TMEFF1: variants seen among roughly 807,000 people sequenced by gnomAD.
The protein encoded by TMEFF1 is transmembrane protein with EGF like and two follistatin like domains 1, also known as tomoregulin-1.
A neutral mutation model predicts 47.5 loss-of-function variants in TMEFF1; 20 were observed. That is an observed-to-expected ratio of 0.42 (90% CI 0.30 to 0.61). TMEFF1 has a LOEUF of 0.61. TMEFF1 is among the 20% of genes least tolerant of loss of function. The pLI is 0.19. For synonymous variants in TMEFF1, 162 were observed against 166.3 expected, an observed-to-expected ratio of 0.97 and a Z score of 0.20; for missense variants, 411 against 471.1, an observed-to-expected ratio of 0.87 and a Z score of 1.18.
At chr9:100,542,840 A>G (rs931898824) in intron 5 of TMEFF1, among the ~76,000 whole-genome samples, 2 of 146,390 alleles carry the variant, frequency 1.4e-5, no homozygotes, top group Non-Finnish European at 3.0e-5. Flanking sequence ...TGCTGAGAAT[A>G]TTTTCCTGCC....
At chr9:100,543,456 T>C (rs1435009525) in intron 5 of TMEFF1, among the ~76,000 whole-genome samples, 2 of 152,172 alleles carry the variant, frequency 1.3e-5, no homozygotes, top group Non-Finnish European at 2.9e-5. Context: ...ATTACTTAGT[T>C]GTGGGTATGT....
At chr9:100,502,621 C>G (rs894621203) in intron 2 of TMEFF1, among the ~76,000 whole-genome samples, 2 of 152,192 alleles carry the variant, frequency 1.3e-5, no homozygotes, top group Non-Finnish European at 1.5e-5. Flanking sequence ...CTTGGCGTCC[C>G]AAAGTGCTGG....
intron 8 of TMEFF1, among the ~76,000 whole-genome samples, chr9:100,565,354 C>T (rs979438397): frequency 6.6e-6 from 1 of 152,048 alleles, no homozygotes; most frequent in South Asian, 2.1e-4. Flanking sequence ...CATTTGAATC[C>T]CACATTCCTC....
intron 5 of TMEFF1, among the ~76,000 whole-genome samples, chr9:100,527,719 C>T (rs36007324): frequency 0.025 from 3,815 of 152,088 alleles, 61 homozygotes; most frequent in Middle Eastern, 0.034. Context: ...CCGGGAAGCT[C>T]GAACTGGGTG....
intron 1 of TMEFF1, among the ~76,000 whole-genome samples, chr9:100,478,176 T>C (rs1564260564): frequency 1.3e-5 from 2 of 152,220 alleles, no homozygotes; most frequent in Admixed American, 1.3e-4. Context: ...TTTTATCAGA[T>C]TTCTGACCTC....
intron 6 of TMEFF1, among the ~76,000 whole-genome samples, chr9:100,548,267 C>T (rs530374745): frequency 2.0e-5 from 3 of 152,066 alleles, no homozygotes; most frequent in East Asian, 1.9e-4. Context: ...ATTTGTTAAA[C>T]CTCTTTTTAT....
At position 100,498,406 on chromosome 9, in the gene TMEFF1, C is replaced by G. The variant is rs16919151; in HGVS notation, c.197-359C>G. Among the ~76,000 whole-genome samples, 594 of 152,032 alleles carry G rather than the reference C, an allele frequency of 3.9e-3. 3 individuals are homozygous for G. The highest frequency in any genetic ancestry group is 0.014 in the African/African-American group (561 of 41,486). The stretch of plus-strand genomic sequence containing the variant: ...TCTCATTAGCCTTAAAAGTAACTTA[C>G]TAGAAAAATAACCTAAAATGTTAAA... On this transcript the variant is annotated intron_variant, in intron 1 of 9. Transcript: ENST00000374879.
At chr9:100,552,876 A>C (rs1246551660) in intron 7 of TMEFF1, among the ~76,000 whole-genome samples, 1 of 151,936 alleles carries the variant, frequency 6.6e-6, no homozygotes, top group Non-Finnish European at 1.5e-5. Flanking sequence ...AAAAAAAAAA[A>C]AGCATTCTAG....
At chr9:100,491,403 A>C (rs904722120) in intron 1 of TMEFF1, among the ~76,000 whole-genome samples, 1 of 152,258 alleles carries the variant, frequency 6.6e-6, no homozygotes, top group African/African-American at 2.4e-5. Flanking sequence ...TTAAAGGACA[A>C]GGTGAAAAGT....
In TMEFF1 at chr9:100,473,766, G is replaced by A; in HGVS notation, c.196+26G>A. ...GTAGGACCGGTCGGAGCCGGCCCTA[G>A]GTCTTCCCACCCCTCCGTTGCCGCC... On this transcript the variant is annotated intron_variant, in intron 1 of 9. Transcript: ENST00000374879. This position sits in a 1 kb window ranked among gnomAD's most constrained non-coding sequence, Gnocchi z 5.4. 11 of 1,465,320 alleles carry A rather than the reference G, an allele frequency of 7.5e-6. No homozygotes were observed. The highest frequency in any genetic ancestry group is 1.0e-5 in the Non-Finnish European group (11 of 1,099,846). 90.8% of individuals were successfully genotyped at this position (1,465,320 alleles called of 1,614,324 possible).
chr9:100,494,623 G>A (rs969781572), intron 1 of TMEFF1, among the ~76,000 whole-genome samples: 1 of 152,118 alleles, frequency 6.6e-6, no homozygotes, highest in Non-Finnish European at 1.5e-5. Context: ...AACAGAGGAA[G>A]AATGAAGGAG....
At chr9:100,543,420 T>C (rs887513328) in intron 5 of TMEFF1, among the ~76,000 whole-genome samples, 2 of 152,148 alleles carry the variant, frequency 1.3e-5, no homozygotes, top group Non-Finnish European at 2.9e-5. Context: ...CTTTTAAAAA[T>C]CGATTTGTTC....
At chr9:100,543,747 A>ACACACT (rs57269279) in intron 5 of TMEFF1, among the ~76,000 whole-genome samples, 1 of 150,830 alleles carries the variant, frequency 6.6e-6, no homozygotes, top group Non-Finnish European at 1.5e-5. Flanking sequence ...ACACACACAC[A>ACACACT]AATCTCATAA....
chr9:100,547,841 T>A lies in TMEFF1; in HGVS notation c.658T>A (p.Ser220Thr). 2.5e-6 allele frequency: 4 copies of A among 1,610,196 alleles called. No homozygotes were observed. The highest frequency in any genetic ancestry group is 3.4e-6 in the Non-Finnish European group (4 of 1,178,796). The change falls in exon 6 of 10, where the codon TCT becomes ACT. Residue 220 changes from serine to threonine, a missense_variant. Ser to Thr is a moderately conservative substitution (Grantham distance 58, BLOSUM62 1). Transcript: ENST00000374879. Reference sequence around the variant, plus strand: ...CAATCCCTGTTTTGTTCGAGAAGCATCTTGTATAAAGCAAGAACAAATTGA... The same window carrying A: ...CAATCCCTGTTTTGTTCGAGAAGCAACTTGTATAAAGCAAGAACAAATTGA... ...YNNPCFVREA[S>T]CIKQEQIDIR...
rs990418086 is a variant in TMEFF1, at chr9:100,533,241, T to TA, written c.561-14493dup. 7.3e-4 allele frequency among the ~76,000 whole-genome samples: 109 copies of TA among 148,900 alleles called. 1 individual carries two copies. The South Asian group carries it at 0.015, about 20-fold the overall frequency. On this transcript the variant is annotated intron_variant, in intron 5 of 9. Coordinates refer to ENST00000374879, the MANE Select transcript of TMEFF1 (RefSeq NM_003692.5). ...TACCGTAGAACTTAAAGTATAATAATAAAAAAAAAATGCCTGGATCCGATG... is the reference window on the plus strand; with the variant it reads ...TACCGTAGAACTTAAAGTATAATAATAAAAAAAAAAATGCCTGGATCCGATG...
intron 5 of TMEFF1, among the ~76,000 whole-genome samples, chr9:100,543,960 G>A (rs1431105415): frequency 6.6e-6 from 1 of 151,892 alleles, no homozygotes. Context: ...GCTGGCTTGT[G>A]GCTTTGAATT....
intron 1 of TMEFF1, among the ~76,000 whole-genome samples, chr9:100,491,927 C>T (rs1837559230): frequency 6.7e-6 from 1 of 149,242 alleles, no homozygotes; most frequent in South Asian, 2.1e-4. Context: ...GTAGCCCAGG[C>T]TGGAGTGCAG....
chr9:100,521,071 A>G (rs1309353187), intron 5 of TMEFF1, among the ~76,000 whole-genome samples: 1 of 152,190 alleles, frequency 6.6e-6, no homozygotes, highest in Non-Finnish European at 1.5e-5. Flanking sequence ...CTTCCCTGGA[A>G]TAGGAAACAA....
At chr9:100,495,518 A>AATTGATTAGATGTATCAATTCATG (rs1185892766) in intron 1 of TMEFF1, among the ~76,000 whole-genome samples, 4 of 152,098 alleles carry the variant, frequency 2.6e-5, no homozygotes, top group Non-Finnish European at 5.9e-5. Context: ...TGAATTCATC[A>AATTGATTAGATGTATCAATTCATG]CTAATTGTTG....
Sources: gnomAD v4.1 joint callset for allele counts (sites outside exome capture counted in the v4.1 genomes callset) on GRCh38, gnomAD v4.1.1 for gene constraint, Gnocchi (gnomAD v3.1) non-coding constraint, MANE v1.5 for transcripts, NCBI Gene and HGNC (gene_info 2026-07-23, HGNC 2026-07-21) for gene names.